LZTS1: variants seen among roughly 807,000 people sequenced by gnomAD.
LZTS1 encodes leucine zipper putative tumor suppressor 1.
In LZTS1, 31 loss-of-function variants were observed where a neutral mutation model predicts 45.8. That is an observed-to-expected ratio of 0.68 (90% CI 0.51 to 0.91). The LOEUF (loss-of-function observed/expected upper bound fraction) is 0.91. Among genes scored for constraint, LZTS1 ranks in the 40% least tolerant of loss-of-function variants. The pLI, the probability that LZTS1 is intolerant of heterozygous loss-of-function variation, is 0.00. For synonymous variants in LZTS1, 359 were observed against 357.3 expected, an observed-to-expected ratio of 1.00 and a Z score of -0.05; for missense variants, 821 against 788.9, an observed-to-expected ratio of 1.04 and a Z score of -0.49.
intron 1 of LZTS1, among the ~76,000 whole-genome samples, chr8:20,297,849 A>T (rs941427696): frequency 6.6e-6 from 1 of 152,174 alleles, no homozygotes; most frequent in African/African-American, 2.4e-5. Context: ...TACAATAAAT[A>T]CAAAAGTAAC....
chr8:20,301,251 C>A (rs867328527), intron 1 of LZTS1, among the ~76,000 whole-genome samples: 1 of 152,110 alleles, frequency 6.6e-6, no homozygotes, highest in Non-Finnish European at 1.5e-5. Flanking sequence ...ATGGACAGAG[C>A]CAGGGTCCAG....
intron 1 of LZTS1, among the ~76,000 whole-genome samples, chr8:20,268,678 GA>G (rs1193260868): frequency 6.6e-6 from 1 of 151,828 alleles, no homozygotes; most frequent in East Asian, 1.9e-4. Context: ...ATGCATGAAT[GA>G]AAAAGAGGCG....
At chr8:20,253,697 G>A (rs1273937473) in intron 2 of LZTS1, 112 bp from the exon 3 acceptor site, 20 of 745,440 alleles carry the variant, frequency 2.7e-5, no homozygotes, top group Admixed American at 1.2e-4. Flanking sequence ...CTGAGCGCAC[G>A]CAGCACCCCT....
intron 1 of LZTS1, among the ~76,000 whole-genome samples, chr8:20,272,426 A>T (rs1237811514): frequency 1.3e-5 from 2 of 151,806 alleles, no homozygotes; most frequent in Non-Finnish European, 2.9e-5. Context: ...TCAGGTCCTC[A>T]TTGGTTTTCC....
At position 20,267,334 on chromosome 8, in the gene LZTS1, TG is replaced by T. The variant is rs200252383; in HGVS notation, c.-134-12020del. Among the ~76,000 whole-genome samples the T allele has an allele frequency of 4.8e-3, 726 of 151,964 alleles. 7 individuals are homozygous for T. The highest frequency in any genetic ancestry group is 0.016 in the African/African-American group (680 of 41,404). Reference sequence around the variant, plus strand: ...GGCTGGATAGCAGAGGTGCGGGAGTTGGGGTAGGAGGGCGGTGCTGCAGTCA... The same window carrying T: ...GGCTGGATAGCAGAGGTGCGGGAGTTGGGTAGGAGGGCGGTGCTGCAGTCA... On this transcript the variant is annotated intron_variant, in intron 1 of 3. Transcript: ENST00000381569.
At chr8:20,260,089 C>G (rs1003287344) in intron 1 of LZTS1, among the ~76,000 whole-genome samples, 1 of 152,094 alleles carries the variant, frequency 6.6e-6, no homozygotes, top group Non-Finnish European at 1.5e-5. Context: ...TTTGTAGAGA[C>G]AGGGGTCTCG....
intron 1 of LZTS1, among the ~76,000 whole-genome samples, chr8:20,268,353 T>A (rs1585289248): frequency 2.0e-5 from 3 of 151,802 alleles, no homozygotes; most frequent in African/African-American, 7.2e-5. Flanking sequence ...TGGGGCTGAA[T>A]GGGGCACGTG....
chr8:20,263,835 G>A (rs926060495), intron 1 of LZTS1, among the ~76,000 whole-genome samples: 2 of 152,106 alleles, frequency 1.3e-5, no homozygotes, highest in African/African-American at 2.4e-5. Flanking sequence ...GATGCTCATC[G>A]GACACCCCAC....
intron 1 of LZTS1, chr8:20,289,453 T>TG (rs996933922): frequency 3.3e-5 from 5 of 152,296 alleles, no homozygotes; most frequent in African/African-American, 1.2e-4. Context: ...AGCTCAGGTC[T>TG]GGGCAAGACC....
chr8:20,270,337 T>C (rs1417841639), intron 1 of LZTS1, among the ~76,000 whole-genome samples: 1 of 152,184 alleles, frequency 6.6e-6, no homozygotes, highest in East Asian at 1.9e-4. Context: ...TGAGAGGCGC[T>C]GCTACAAAAA....
Position 20,247,305 on chromosome 8 carries a change from T to G in LZTS1, c.*2417A>C, listed in dbSNP as rs1799760124. The stretch of plus-strand genomic sequence containing the variant: ...GGCAGCCACTTCTTCTCAGGCAACG[T>G]CTGAGGCAGAGCACTGGACTCTGAC... On this transcript the variant is annotated 3_prime_UTR_variant, in exon 4 of 4. Coordinates refer to ENST00000381569, the MANE Select transcript of LZTS1 (RefSeq NM_021020.5). 6.6e-6 allele frequency: 1 copy of G among 151,720 alleles called. No homozygotes were observed. The highest frequency in any genetic ancestry group is 2.1e-4 in the South Asian group (1 of 4,720). The allele number at this position is 151,720 out of a possible 1,614,324, so 9.4% of individuals were successfully genotyped here. A position where few individuals can be genotyped will look rare whatever the true frequency, so the allele number is the denominator to read the frequency against.
Position 20,247,301 on chromosome 8 carries a change from A to T in LZTS1, c.*2421T>A, listed in dbSNP as rs899576891. On this transcript the variant is annotated 3_prime_UTR_variant, in exon 4 of 4. Transcript: ENST00000381569. ...GTGTGGCAGCCACTTCTTCTCAGGC[A>T]ACGTCTGAGGCAGAGCACTGGACTC... 1.3e-5 allele frequency: 2 copies of T among 152,350 alleles called. No individual in the cohort carries two copies. Among genetic ancestry groups the T allele is most frequent in the African/African-American group, 4.8e-5 (2 of 41,368 alleles). 9.4% of individuals were successfully genotyped at this position (152,350 alleles called of 1,614,324 possible). A position where few individuals can be genotyped will look rare whatever the true frequency, so the allele number is the denominator to read the frequency against.
chr8:20,300,330 T>C (rs1334446355), intron 1 of LZTS1, among the ~76,000 whole-genome samples: 1 of 152,078 alleles, frequency 6.6e-6, no homozygotes, highest in Non-Finnish European at 1.5e-5. Context: ...AAGCCAACAC[T>C]GTATTTTTTT....
intron 1 of LZTS1, among the ~76,000 whole-genome samples, chr8:20,291,315 C>T (rs909693409): frequency 6.6e-6 from 1 of 152,150 alleles, no homozygotes; most frequent in African/African-American, 2.4e-5. Flanking sequence ...TTGTCCCTCC[C>T]TGACCCCCTG....
chr8:20,277,580 A>G (rs1378171180), intron 1 of LZTS1, among the ~76,000 whole-genome samples: 1 of 152,192 alleles, frequency 6.6e-6, no homozygotes, highest in Non-Finnish European at 1.5e-5. Context: ...GCTGGTATTA[A>G]TTCCAACAGG....
intron 2 of LZTS1, among the ~76,000 whole-genome samples, chr8:20,254,499 T>C (rs1800037184): frequency 6.6e-6 from 1 of 152,138 alleles, no homozygotes; most frequent in Non-Finnish European, 1.5e-5. Flanking sequence ...CAGGGCTCCC[T>C]CTCCTTCCCG....
At position 20,250,168 on chromosome 8, in the gene LZTS1, C is replaced by CCTCCA; in HGVS notation, c.1340_1344dup (p.Val449TrpfsTer22). The CCTCCA allele has an allele frequency of 6.2e-7, 1 of 1,610,420 alleles. No individual in the cohort carries two copies. Among genetic ancestry groups the CCTCCA allele is most frequent in the Non-Finnish European group, 8.5e-7 (1 of 1,179,602 alleles). ...TTGCGCTGCAGCTCATTCTCACAGA[C>CCTCCA]CTCCAGCTCCAGGCCCTTGGTGCGC... On this transcript the variant is annotated frameshift_variant, in exon 4 of 4. Coordinates refer to ENST00000381569, the MANE Select transcript of LZTS1 (RefSeq NM_021020.5). LOFTEE classifies it high-confidence loss of function.
intron 1 of LZTS1, among the ~76,000 whole-genome samples, chr8:20,280,818 C>T (rs74605056): frequency 0.015 from 2,251 of 152,202 alleles, 47 homozygotes; most frequent in African/African-American, 0.048. Flanking sequence ...GCTGCACTCC[C>T]TACCTTCCAC....
At chr8:20,300,742 T>G (rs943655190) in intron 1 of LZTS1, among the ~76,000 whole-genome samples, 5 of 152,078 alleles carry the variant, frequency 3.3e-5, no homozygotes, top group African/African-American at 1.2e-4. Flanking sequence ...GGTATGATGG[T>G]AGGGACTCTG....
Sources: gnomAD v4.1 joint callset for allele counts (sites outside exome capture counted in the v4.1 genomes callset) on GRCh38, gnomAD v4.1.1 for gene constraint, MANE v1.5 for transcripts, NCBI Gene and HGNC (gene_info 2026-07-23, HGNC 2026-07-21) for gene names.